The following PHF19 variants were observed in gnomAD, a reference collection of about 807,000 sequenced individuals.
The protein encoded by PHF19 is PHD finger protein 19.
Under a neutral mutation model 79.8 loss-of-function variants are expected in PHF19, and 21 were observed. That is an observed-to-expected ratio of 0.26 (90% CI 0.19 to 0.38). PHF19 has a LOEUF of 0.38. Among genes scored for constraint, PHF19 ranks in the 10% least tolerant of loss-of-function variants. The pLI, the probability that PHF19 is intolerant of heterozygous loss-of-function variation, is 1.00. For missense variants in PHF19, 445 were observed against 744.2 expected (o/e 0.60, Z 4.68); for synonymous variants, 273 against 296.3 (o/e 0.92, Z 0.81).
Position 120,866,188 on chromosome 9 carries a change from C to A in PHF19, c.711-92G>T, listed in dbSNP as rs1400436933. 3.3e-6 allele frequency: 3 copies of A among 920,742 alleles called. No individual in the cohort carries two copies. Among genetic ancestry groups the A allele is most frequent in the Non-Finnish European group, 5.4e-6 (3 of 554,882 alleles). 57.0% of individuals were successfully genotyped at this position (920,742 alleles called of 1,614,324 possible). On this transcript the variant is annotated intron_variant, in intron 7 of 14. Coordinates refer to ENST00000373896, the MANE Select transcript of PHF19 (RefSeq NM_015651.3). The surrounding 1 kb of genome is among the most constrained non-coding windows in gnomAD (Gnocchi z 5.2). The stretch of plus-strand genomic sequence containing the variant: ...CCTTGATCTCCTCATTCCCCACCTA[C>A]CTTCCCATAATCTTCTCACTCCTAG...
Position 120,862,389 on chromosome 9 carries a change from T to TC in PHF19, c.1130+198dup, listed in dbSNP as rs201353385. On this transcript the variant is annotated intron_variant, in intron 11 of 14. Transcript: ENST00000373896. The surrounding 1 kb of genome is among the most constrained non-coding windows in gnomAD (Gnocchi z 4.6). ...AGGCTGGGTCCTCAGATCTGGCTTTTCCTCCTTGCGAGGTAATAAGGGGGC... is the reference window on the plus strand; with the variant it reads ...AGGCTGGGTCCTCAGATCTGGCTTTTCCCTCCTTGCGAGGTAATAAGGGGGC... Among the ~76,000 whole-genome samples, 1,391 of 152,302 alleles carry TC rather than the reference T, an allele frequency of 9.1e-3. 16 individuals are homozygous for TC. Among genetic ancestry groups the TC allele is most frequent in the African/African-American group, 0.032 (1,321 of 41,554 alleles).
intron 1 of PHF19, chr9:120,876,500 T>A (rs2046061797): frequency 6.6e-6 from 1 of 151,440 alleles, no homozygotes; most frequent in Admixed American, 6.6e-5. Flanking sequence ...CCGCGGGCTG[T>A]GATTGGCTGA....
chr9:120,873,197 A>G (rs1039110311), intron 3 of PHF19, among the ~76,000 whole-genome samples: 2 of 152,230 alleles, frequency 1.3e-5, no homozygotes, highest in Non-Finnish European at 2.9e-5. Flanking sequence ...GTTAGAGTAT[A>G]AATGGCAAAC....
chr9:120,865,026 T>TA (rs1307933004), intron 9 of PHF19, among the ~76,000 whole-genome samples: 2 of 152,210 alleles, frequency 1.3e-5, no homozygotes, highest in Admixed American at 6.5e-5. Context: ...TCTATTTTTT[T>TA]AAAAAAATTA....
the PHF19 span, chr9:120,902,513 G>C: frequency 7.6e-5 from 6 of 78,948 alleles, no homozygotes; most frequent in South Asian, 2.9e-4. Context: ...GCGGGGGGTG[G>C]GGGGGGGGGC....
intron 9 of PHF19, among the ~76,000 whole-genome samples, chr9:120,865,046 G>A (rs150876150): frequency 2.1e-3 from 312 of 152,166 alleles, no homozygotes; most frequent in African/African-American, 7.3e-3. Flanking sequence ...ATCAAATACT[G>A]TAAATGAAGA....
At chr9:120,893,387 G>A (rs900040734) in intron 1 of PHF19, among the ~76,000 whole-genome samples, 4 of 152,144 alleles carry the variant, frequency 2.6e-5, no homozygotes, top group Non-Finnish European at 5.9e-5. Context: ...GATTATAGCA[G>A]TGATGGCAGG....
intron 3 of PHF19, among the ~76,000 whole-genome samples, chr9:120,871,282 T>C (rs1275716601): frequency 6.6e-6 from 1 of 152,218 alleles, no homozygotes; most frequent in Non-Finnish European, 1.5e-5. Flanking sequence ...TCCCACCTAC[T>C]TCTCCTTCCT....
rs2046089101 is a variant in PHF19 at position 120,877,184 on chromosome 9, C to A, written c.-109G>T. 2 of 974,742 alleles carry A rather than the reference C, an allele frequency of 2.1e-6. No individual in the cohort carries two copies. Among genetic ancestry groups the A allele is most frequent in the Non-Finnish European group, 2.4e-6 (2 of 826,212 alleles). 60.4% of individuals were successfully genotyped at this position (974,742 alleles called of 1,614,324 possible). A position where few individuals can be genotyped will look rare whatever the true frequency, so the allele number is the denominator to read the frequency against. ...TGCGCTCGGCCCGCGGCTGCCCGGCCGAGTGTCCGCCCGTGGGGCCGGGGT... is the reference window on the plus strand; with the variant it reads ...TGCGCTCGGCCCGCGGCTGCCCGGCAGAGTGTCCGCCCGTGGGGCCGGGGT... On this transcript the variant is annotated 5_prime_UTR_variant, in exon 1 of 15. Transcript: ENST00000373896.
rs977963132 is a variant in PHF19, at chr9:120,860,932, C to T, written c.1304+157G>A. The T allele has an allele frequency of 3.2e-6, 2 of 616,886 alleles. No homozygotes were observed. The highest frequency in any genetic ancestry group is 6.0e-6 in the Non-Finnish European group (2 of 335,916). The allele number at this position is 616,886 out of a possible 1,614,324, so 38.2% of individuals were successfully genotyped here. A position where few individuals can be genotyped will look rare whatever the true frequency, so the allele number is the denominator to read the frequency against. On this transcript the variant is annotated intron_variant, in intron 13 of 14. Transcript: ENST00000373896. The surrounding 1 kb of genome is among the most constrained non-coding windows in gnomAD (Gnocchi z 4.1). ...TGGAGAAGAGGGGAGGGCTGTGGTG[C>T]TCTGGGAACAGGGATGTTATGCTGA...
chr9:120,898,431 T>G (rs1185646234), upstream of PHF19, among the ~76,000 whole-genome samples: 1 of 152,250 alleles, frequency 6.6e-6, no homozygotes, highest in African/African-American at 2.4e-5. Flanking sequence ...GATTGTTTTT[T>G]CATCTATAAA....
At chr9:120,895,371 C>T (rs547786102), upstream of PHF19, among the ~76,000 whole-genome samples, 1 of 151,462 alleles carries the variant, frequency 6.6e-6, no homozygotes, top group African/African-American at 2.4e-5. Flanking sequence ...AGGATGGATT[C>T]AGCCTGAGTT....
chr9:120,889,154 G>A (rs781575931), intron 1 of PHF19, among the ~76,000 whole-genome samples: 8 of 152,280 alleles, frequency 5.3e-5, no homozygotes, highest in East Asian at 3.9e-4. Flanking sequence ...GAGGCCAGGC[G>A]CGATGGCACA....
Position 120,864,057 on chromosome 9 carries a change from A to G in PHF19, c.960T>C (p.Tyr320=), listed in dbSNP as rs1489768874. 5.0e-6 allele frequency: 8 copies of G among 1,613,580 alleles called. No homozygotes were observed. The highest frequency in any genetic ancestry group is 6.8e-6 in the Non-Finnish European group (8 of 1,179,818). The change falls in exon 10 of 15, where the codon TAT becomes TAC. Residue 320 remains tyrosine (Y), a synonymous_variant. Coordinates refer to ENST00000373896, the MANE Select transcript of PHF19 (RefSeq NM_015651.3). ...CCCCTCCCTGCACGCACCGGCTTTT[A>G]TAACTGTTCAGAGCGTTGAGGAGAT... ...GPHLLNALNS[Y]KSRFLCGKEI...
At chr9:120,896,437 C>CTTTTTTTTTTTTTTTTTTTT (rs58824573), upstream of PHF19, among the ~76,000 whole-genome samples, 1 of 124,042 alleles carries the variant, frequency 8.1e-6, no homozygotes. Context: ...TTGTATGGTT[C>CTTTTTTTTTTTTTTTTTTTT]TTTTTTTTTT....
chr9:120,899,333 C>G (rs916692354), upstream of PHF19, among the ~76,000 whole-genome samples: 2 of 151,568 alleles, frequency 1.3e-5, no homozygotes, highest in Non-Finnish European at 2.9e-5. Flanking sequence ...CCTGTCTTTA[C>G]TAAAAAGTAC....
At position 120,889,892 on chromosome 9, in the gene PHF19, A is replaced by T. The variant is rs189116903; in HGVS notation, c.42+4896T>A. 7.9e-5 allele frequency among the ~76,000 whole-genome samples: 12 copies of T among 152,300 alleles called. No homozygotes were observed. The East Asian group carries it at 2.1e-3, about 27-fold the overall frequency. ...AGGAAGGAAAGAGTGGACAGGCTCT[A>T]GGATCTGGACTGGACTTGGACTTAG... On this transcript the variant is annotated intron_variant, in intron 1 of 14. Transcript: ENST00000616568.
intron 1 of PHF19, among the ~76,000 whole-genome samples, chr9:120,884,438 C>T (rs1022601697): frequency 2.6e-5 from 4 of 152,078 alleles, no homozygotes; most frequent in African/African-American, 9.7e-5. Flanking sequence ...GAGCTGCTCC[C>T]CGGGAGCCAA....
chr9:120,893,955 C>T (rs542990588), intron 1 of PHF19, among the ~76,000 whole-genome samples: 1 of 152,306 alleles, frequency 6.6e-6, no homozygotes, highest in East Asian at 1.9e-4. Context: ...CTTATAAATG[C>T]AAAATCTCCA....
Sources: allele counts gnomAD v4.1 joint callset (sites outside exome capture counted in the v4.1 genomes callset), GRCh38; gene constraint gnomAD v4.1.1; non-coding constraint Gnocchi (gnomAD v3.1); transcripts MANE v1.5; gene names NCBI Gene and HGNC (gene_info 2026-07-23, HGNC 2026-07-21).